Variants in NLRP2 observed in about 807,000 individuals in gnomAD.
The protein encoded by NLRP2 is NACHT, LRR and PYD domains-containing protein 2.
NLRP2 carries 107 observed loss-of-function variants against 97.2 expected under a neutral mutation model. The ratio of observed to expected loss-of-function variants is 1.10; its 90% CI spans 0.94 to 1.29. NLRP2 has a LOEUF of 1.29. NLRP2 is among the 50% of genes most tolerant of loss of function. NLRP2 has a pLI of 0.00. For missense variants in NLRP2, 1,495 were observed against 1,330.3 expected (o/e 1.12, Z -1.93); for synonymous variants, 663 against 551.5 (o/e 1.20, Z -2.83).
chr19:54,976,847 G>GTTT, intron 3 of NLRP2: 1 of 285,772 alleles, frequency 3.5e-6, no homozygotes, highest in South Asian at 2.2e-5. Flanking sequence ...AGTCTCGCTT[G>GTTT]CTCTTTTGCC....
intron 4 of NLRP2, among the ~76,000 whole-genome samples, chr19:54,978,947 T>TA (rs768426744): frequency 5.3e-5 from 8 of 152,010 alleles, no homozygotes; most frequent in South Asian, 2.1e-4. Context: ...GTCTTTTGGG[T>TA]AGGTGACTTG....
intron 8 of NLRP2, among the ~76,000 whole-genome samples, chr19:54,988,635 T>C (rs1239709875): frequency 6.6e-6 from 1 of 151,930 alleles, no homozygotes; most frequent in Non-Finnish European, 1.5e-5. Flanking sequence ...TCAAGTGACA[T>C]CCATCTTCCA....
At chr19:54,979,417 G>A (rs1180835975) in intron 4 of NLRP2, among the ~76,000 whole-genome samples, 1 of 151,754 alleles carries the variant, frequency 6.6e-6, no homozygotes, top group Non-Finnish European at 1.5e-5. Flanking sequence ...ATCTCGGCTC[G>A]CCACAACCTC....
intron 12 of NLRP2, among the ~76,000 whole-genome samples, chr19:54,997,967 C>G (rs938273026): frequency 6.6e-6 from 1 of 150,948 alleles, no homozygotes; most frequent in African/African-American, 2.4e-5. Flanking sequence ...TGTCACTGGG[C>G]TGTGTTTTGT....
chr19:54,981,732 T>C lies in NLRP2; in HGVS notation c.463+50T>C, dbSNP rs374678830. 2.4e-4 allele frequency: 243 copies of C among 1,025,246 alleles called. No individual in the cohort carries two copies. The African/African-American group carries it at 3.4e-3, about 14-fold the overall frequency. 63.5% of individuals were successfully genotyped at this position (1,025,246 alleles called of 1,614,324 possible). On this transcript the variant is annotated intron_variant, in intron 5 of 12. Coordinates refer to ENST00000448584, the MANE Select transcript of NLRP2 (RefSeq NM_017852.5). ...GAGCTTGGGATCAGATTTCTCTTTATAAACTTGAAGTCCTCTTAACTTTCC... is the reference window on the plus strand; with the variant it reads ...GAGCTTGGGATCAGATTTCTCTTTACAAACTTGAAGTCCTCTTAACTTTCC...
At chr19:54,976,612 A>C (rs1476370356) in intron 3 of NLRP2, among the ~76,000 whole-genome samples, 1 of 151,818 alleles carries the variant, frequency 6.6e-6, no homozygotes, top group Admixed American at 6.6e-5. Context: ...CTCACAAAGT[A>C]CTGGGATTAC....
At position 55,000,947 on chromosome 19, in the gene NLRP2, TTGG is replaced by T; in HGVS notation, c.*52_*54del. 1 of 1,587,532 alleles carries T rather than the reference TTGG, an allele frequency of 6.3e-7. No homozygotes were observed. On this transcript the variant is annotated 3_prime_UTR_variant, in exon 13 of 13. Transcript: ENST00000448584. ...CATGAAGTCATCGATTTTCCAGGTGTTGGTGAACTGCCTGTGACTCCTCTCCTC... is the reference window on the plus strand; with the variant it reads ...CATGAAGTCATCGATTTTCCAGGTGTTGAACTGCCTGTGACTCCTCTCCTC...
At chr19:54,997,626 T>TTGG in intron 12 of NLRP2, 139 bp downstream of exon 12, 1 of 912,298 alleles carries the variant, frequency 1.1e-6, no homozygotes, top group Non-Finnish European at 1.8e-6. Flanking sequence ...CCAATTTCTG[T>TTGG]ATTTCACTTG....
In NLRP2 at chr19:54,990,150, A is replaced by G. The variant is rs753543825; in HGVS notation, c.2495A>G (p.Tyr832Cys). Residue 832 changes from tyrosine to cysteine, a missense_variant, in exon 9 of 13, where the codon TAC becomes TGC. By Grantham distance (194) the Tyr-to-Cys change is radical (BLOSUM62 -2). Transcript: ENST00000448584. ...CTGGATGAGGGTGCTAAGTTGCTGT[A>G]CACAACTTTGAGACACCCCAAGTGC... ...ELLDEGAKLL[Y>C]TTLRHPKCFL... 12 of 1,613,992 alleles carry G rather than the reference A, an allele frequency of 7.4e-6. No homozygotes were observed. The Middle Eastern group carries it at 6.6e-4, about 88-fold the overall frequency.
At chr19:54,989,172 G>A (rs2072294655) in intron 8 of NLRP2, among the ~76,000 whole-genome samples, 1 of 151,548 alleles carries the variant, frequency 6.6e-6, no homozygotes, top group South Asian at 2.1e-4. Flanking sequence ...TGGCCAGGAT[G>A]GTCTCAAACT....
At chr19:54,970,770 C>CTTTTTTTTTTTTTTTTTTTCTTTTTT (rs34406686) in intron 2 of NLRP2, among the ~76,000 whole-genome samples, 2 of 108,472 alleles carry the variant, frequency 1.8e-5, no homozygotes, top group African/African-American at 3.5e-5. Context: ...CTACCTACTT[C>CTTTTTTTTTTTTTTTTTTTCTTTTTT]TTTTTTTTTT....
chr19:54,973,807 T>G, intron 2 of NLRP2: 1 of 599,114 alleles, frequency 1.7e-6, no homozygotes, highest in Non-Finnish European at 3.2e-6. Context: ...CCAATAGCGC[T>G]CACACAGACA....
chr19:54,992,283 G>A (rs2072525334), intron 10 of NLRP2, among the ~76,000 whole-genome samples: 1 of 151,974 alleles, frequency 6.6e-6, no homozygotes, highest in Non-Finnish European at 1.5e-5. Context: ...TTCCTATGAA[G>A]TAACTAATCT....
chr19:54,975,988 A>G (rs2071206060), intron 3 of NLRP2, among the ~76,000 whole-genome samples: 1 of 151,386 alleles, frequency 6.6e-6, no homozygotes, highest in African/African-American at 2.4e-5. Flanking sequence ...GTCTCAAGTG[A>G]TCCTCCCACC....
At chr19:54,966,818 G>T (rs1399303848) in intron 1 of NLRP2, among the ~76,000 whole-genome samples, 3 of 137,324 alleles carry the variant, frequency 2.2e-5, no homozygotes, top group African/African-American at 8.1e-5. Flanking sequence ...GAGCCACCGC[G>T]CCCAGCCTTT....
intron 4 of NLRP2, 105 bp from the exon 5 acceptor site, chr19:54,981,512 C>CCCCCCCCCCCCCCCCCCCCCCA: frequency 1.1e-5 from 3 of 273,620 alleles, no homozygotes; most frequent in Non-Finnish European, 2.4e-5. Context: ...ATCCCGTGCC[C>CCCCCCCCCCCCCCCCCCCCCCA]CCCCTCCCCC....
At chr19:54,989,906 A>G (rs9636152) in intron 8 of NLRP2, 116 bp from the exon 9 acceptor site, 19 of 1,069,462 alleles carry the variant, frequency 1.8e-5, no homozygotes, top group Non-Finnish European at 2.7e-5. Context: ...CAGGAGAATC[A>G]CTTGAACCCA....
intron 3 of NLRP2, among the ~76,000 whole-genome samples, chr19:54,976,340 A>G (rs1163129130): frequency 6.6e-6 from 1 of 151,168 alleles, no homozygotes; most frequent in Non-Finnish European, 1.5e-5. Flanking sequence ...GGTGTGAGTC[A>G]CTGCGCCTGG....
At chr19:54,976,090 C>G (rs933782662) in intron 3 of NLRP2, among the ~76,000 whole-genome samples, 2 of 151,832 alleles carry the variant, frequency 1.3e-5, no homozygotes, top group Non-Finnish European at 2.9e-5. Context: ...ACTCTGTTGC[C>G]CAGGATGGAA....
Sources: allele counts gnomAD v4.1 joint callset (sites outside exome capture counted in the v4.1 genomes callset), GRCh38; gene constraint gnomAD v4.1.1; transcripts MANE v1.5; gene names NCBI Gene and HGNC (gene_info 2026-07-23, HGNC 2026-07-21).